Variants in ADGRV1 observed in about 807,000 individuals in gnomAD.
ADGRV1 encodes adhesion G protein-coupled receptor V1, also known as G-protein coupled receptor 98.
Under a neutral mutation model 596.2 loss-of-function variants are expected in ADGRV1, and 359 were observed. That is an observed-to-expected ratio of 0.60 (90% CI 0.55 to 0.66). ADGRV1 has a LOEUF of 0.66. ADGRV1 is among the 30% of genes least tolerant of loss of function. The pLI, the probability that ADGRV1 is intolerant of heterozygous loss-of-function variation, is 0.00. For missense variants in ADGRV1, 7,274 were observed against 7,575.6 expected (o/e 0.96, Z 1.48); for synonymous variants, 2,681 against 2,679.2 (o/e 1.00, Z -0.02).
intron 87 of ADGRV1, among the ~76,000 whole-genome samples, chr5:91,123,106 T>C (rs1793466616): frequency 6.6e-6 from 1 of 152,214 alleles, no homozygotes; most frequent in Admixed American, 6.5e-5. Flanking sequence ...GCCAGTTACT[T>C]AACATCCTTG....
At chr5:90,991,544 G>A (rs1019314292) in intron 85 of ADGRV1, among the ~76,000 whole-genome samples, 1 of 152,092 alleles carries the variant, frequency 6.6e-6, no homozygotes, top group African/African-American at 2.4e-5. Context: ...CTCCCAAAGT[G>A]CTAGGATTAC....
intron 67 of ADGRV1, among the ~76,000 whole-genome samples, chr5:90,786,267 G>A (rs988382934): frequency 6.6e-6 from 1 of 151,980 alleles, no homozygotes. Context: ...GGGGGCTAGG[G>A]GAGAGATAAC....
chr5:90,822,609 C>T (rs371397146), intron 75 of ADGRV1, among the ~76,000 whole-genome samples: 3 of 152,132 alleles, frequency 2.0e-5, no homozygotes, highest in East Asian at 3.9e-4. Context: ...CTCGGCGATG[C>T]GGGCTCTTTT....
At chr5:90,780,594 A>T (rs1196028375) in intron 64 of ADGRV1, among the ~76,000 whole-genome samples, 1 of 152,208 alleles carries the variant, frequency 6.6e-6, no homozygotes, top group African/African-American at 2.4e-5. Context: ...ATCATTACAG[A>T]AGTAAACTAC....
intron 89 of ADGRV1, among the ~76,000 whole-genome samples, chr5:91,161,564 GT>G (rs1203972736): frequency 7.5e-6 from 1 of 133,822 alleles, no homozygotes; most frequent in Non-Finnish European, 1.6e-5. Flanking sequence ...GATGTGAAAT[GT>G]ATTAATTGGT....
At chr5:90,991,091 AG>A (rs1265982028) in intron 85 of ADGRV1, among the ~76,000 whole-genome samples, 1 of 152,152 alleles carries the variant, frequency 6.6e-6, no homozygotes, top group East Asian at 1.9e-4. Flanking sequence ...GAGTGATTGG[AG>A]TGAGTGTCAA....
chr5:91,013,233 A>T (rs1782870507), intron 85 of ADGRV1, among the ~76,000 whole-genome samples: 1 of 151,830 alleles, frequency 6.6e-6, no homozygotes, highest in Non-Finnish European at 1.5e-5. Context: ...ATTCCTATGG[A>T]TATCATACCC....
chr5:90,910,340 C>G (rs1319666683), intron 83 of ADGRV1, among the ~76,000 whole-genome samples: 5 of 152,148 alleles, frequency 3.3e-5, no homozygotes, highest in Non-Finnish European at 1.5e-5. Context: ...TCCAAGAAGA[C>G]TATTAGAAAA....
chr5:91,017,459 G>A (rs1581799694), intron 85 of ADGRV1, among the ~76,000 whole-genome samples: 1 of 151,860 alleles, frequency 6.6e-6, no homozygotes, highest in East Asian at 1.9e-4. Context: ...TTTATATTGT[G>A]CTGTTACTTC....
intron 57 of ADGRV1, among the ~76,000 whole-genome samples, 168 bp from the exon 58 acceptor site, chr5:90,759,241 C>A (rs991735172): frequency 6.6e-6 from 1 of 152,006 alleles, no homozygotes; most frequent in African/African-American, 2.4e-5. Flanking sequence ...AAATATAATA[C>A]GCAAAAAGAA....
chr5:90,890,957 CT>C, intron 83 of ADGRV1, among the ~76,000 whole-genome samples: 1 of 151,850 alleles, frequency 6.6e-6, no homozygotes, highest in South Asian at 2.1e-4. Context: ...AATTAATATA[CT>C]TTGTACAAAA....
intron 76 of ADGRV1, 47 bp downstream of exon 76, chr5:90,823,643 TTTAGAA>T: frequency 6.7e-7 from 1 of 1,496,724 alleles, no homozygotes; most frequent in Non-Finnish European, 9.2e-7. Context: ...ATTATATTTC[TTTAGAA>T]TTAATCATTT....
chr5:90,566,795 A>G (rs900523400), intron 1 of ADGRV1, among the ~76,000 whole-genome samples: 2 of 151,684 alleles, frequency 1.3e-5, no homozygotes, highest in Non-Finnish European at 2.9e-5. Context: ...TTTTCCAAGG[A>G]TACGTTTTAT....
intron 83 of ADGRV1, among the ~76,000 whole-genome samples, chr5:90,943,171 C>T (rs1191762640): frequency 7.5e-6 from 1 of 133,804 alleles, no homozygotes; most frequent in Non-Finnish European, 1.5e-5. Context: ...CACCACCTGC[C>T]TCTAGCCAGT....
In ADGRV1 at chr5:90,745,102, C is replaced by T. The variant is rs747529712; in HGVS notation, c.10606C>T (p.Arg3536Cys). Residue 3536 changes from arginine (R) to cysteine (C), a missense_variant, in exon 51 of 90, where the codon CGT becomes TGT. Arg to Cys is a radical substitution (Grantham distance 180, BLOSUM62 -3). Around this residue, in one of 5 missense-constraint regions of ADGRV1, gnomAD observed 3,643 missense variants for 3,809.2 expected, o/e 0.96. Transcript: ENST00000405460. ...TGCTCTTTACTGCTGGAATTCGGAGCGTAATCAATTCTCTTTTGTTCTGGA... is the reference window on the plus strand; with the variant it reads ...TGCTCTTTACTGCTGGAATTCGGAGTGTAATCAATTCTCTTTTGTTCTGGA... ...MSALYCWNSE[R>C]NQFSFVLEVP... is the part of the protein sequence containing the mutation. 9.9e-6 allele frequency: 16 copies of T among 1,613,660 alleles called. No homozygotes were observed. Among genetic ancestry groups the T allele is most frequent in the South Asian group, 3.3e-5 (3 of 91,068 alleles).
At chr5:90,589,670 A>G (rs567829936) in intron 1 of ADGRV1, among the ~76,000 whole-genome samples, 1 of 152,276 alleles carries the variant, frequency 6.6e-6, no homozygotes, top group Admixed American at 6.5e-5. Context: ...TCTAATTCTA[A>G]CTATAAGGTT....
intron 85 of ADGRV1, among the ~76,000 whole-genome samples, chr5:91,016,487 C>T (rs1242384537): frequency 6.6e-6 from 1 of 151,960 alleles, no homozygotes; most frequent in Non-Finnish European, 1.5e-5. Flanking sequence ...ACAAAGAAAA[C>T]CTCTGGACTT....
intron 34 of ADGRV1, among the ~76,000 whole-genome samples, chr5:90,700,136 A>G (rs1314408343): frequency 4.6e-5 from 7 of 152,204 alleles, no homozygotes. Flanking sequence ...TGAAAATTGC[A>G]CAGAGAAATG....
Position 90,783,178 on chromosome 5 carries a change from A to T in ADGRV1, c.13286A>T (p.Tyr4429Phe). The T allele has an allele frequency of 6.2e-7, 1 of 1,613,694 alleles. No homozygotes were observed. Among genetic ancestry groups the T allele is most frequent in the Non-Finnish European group, 8.5e-7 (1 of 1,179,674 alleles). The change falls in exon 66 of 90, where the codon TAT becomes TTT. Residue 4429 changes from tyrosine to phenylalanine, a missense_variant. This residue lies in a region of ADGRV1 where 3,643 missense variants were observed against 3,809.2 expected (regional missense o/e 0.96). Coordinates refer to ENST00000405460, the MANE Select transcript of ADGRV1 (RefSeq NM_032119.4). ...MIPVVRLHGT[Y>F]GYVTADFISQ... ...CCAGTGGTGAGGCTACATGGAACTT[A>T]TGGCTATGTGACAGCTGATTTCATC...
Sources: allele counts gnomAD v4.1 joint callset (sites outside exome capture counted in the v4.1 genomes callset), GRCh38; gene constraint gnomAD v4.1.1; regional missense constraint gnomAD v4.1.1; transcripts MANE v1.5; gene names NCBI Gene and HGNC (gene_info 2026-07-23, HGNC 2026-07-21).